The following DPP6 variants were observed in gnomAD, a reference collection of about 807,000 sequenced individuals.
DPP6 encodes the protein dipeptidyl peptidase like 6.
A neutral mutation model predicts 122.6 loss-of-function variants in DPP6; 69 were observed. The ratio of observed to expected loss-of-function variants is 0.56; its 90% CI spans 0.46 to 0.69. The LOEUF (loss-of-function observed/expected upper bound fraction) is 0.69, where lower values mean the gene tolerates loss of function less well. DPP6 is among the 30% of genes least tolerant of loss of function. DPP6 has a pLI of 0.00. For synonymous variants in DPP6, 418 were observed against 433.1 expected, an observed-to-expected ratio of 0.97 and a Z score of 0.43; for missense variants, 928 against 1,116.9, an observed-to-expected ratio of 0.83 and a Z score of 2.41.
intron 4 of DPP6, among the ~76,000 whole-genome samples, chr7:154,562,951 C>T (rs1040837146): frequency 6.6e-6 from 1 of 151,820 alleles, no homozygotes; most frequent in Admixed American, 6.6e-5. Context: ...AAACCATCTT[C>T]CTTTCAAGGT....
At chr7:154,123,075 A>G (rs1807615044) in intron 1 of DPP6, among the ~76,000 whole-genome samples, 1 of 152,160 alleles carries the variant, frequency 6.6e-6, no homozygotes, top group African/African-American at 2.4e-5. Context: ...GACTGGCAAG[A>G]CACATTGGGG....
intron 1 of DPP6, among the ~76,000 whole-genome samples, chr7:154,198,231 T>G (rs1798970116): frequency 6.6e-6 from 1 of 152,198 alleles, no homozygotes; most frequent in African/African-American, 2.4e-5. Flanking sequence ...TTAGTCACCC[T>G]TCGCCCATTC....
rs1802471311 is a variant in DPP6 at position 154,253,366 on chromosome 7, A to T, written c.244-192848A>T. ...TGATACAGGTGTGGGGGGTGAGGGG[A>T]CAGTCTTCCCTACCTGCAGGGGAAA... is the stretch of plus-strand genomic sequence containing the variant. On this transcript the variant is annotated intron_variant, in intron 1 of 25. Coordinates refer to ENST00000377770, the MANE Select transcript of DPP6 (RefSeq NM_130797.4). 2.0e-5 allele frequency among the ~76,000 whole-genome samples: 3 copies of T among 152,286 alleles called. No homozygotes were observed. The South Asian group carries it at 6.2e-4, about 32-fold the overall frequency.
chr7:154,572,688 T>G (rs904008109), intron 5 of DPP6, among the ~76,000 whole-genome samples: 5 of 149,930 alleles, frequency 3.3e-5, no homozygotes, highest in African/African-American at 9.8e-5. Context: ...GGCTAATTTT[T>G]TTTTTTTTTG....
At chr7:153,982,764 C>T (rs1796652640) in intron 1 of DPP6, among the ~76,000 whole-genome samples, 1 of 152,086 alleles carries the variant, frequency 6.6e-6, no homozygotes, top group South Asian at 2.1e-4. Context: ...GATGCTATTC[C>T]TTTCTGTTTG....
At chr7:153,773,030 T>C in the DPP6 span, among the ~76,000 whole-genome samples, 1 of 146,292 alleles carries the variant, frequency 6.8e-6, no homozygotes, top group Admixed American at 6.9e-5. Context: ...TAATAATATA[T>C]AAAAGTCTTT....
intron 1 of DPP6, among the ~76,000 whole-genome samples, chr7:153,953,505 A>T (rs749847382): frequency 2.2e-4 from 33 of 152,174 alleles, no homozygotes; most frequent in Non-Finnish European, 3.7e-4. Context: ...TCGGGGAAAG[A>T]TCATGCCCAG....
At chr7:154,474,635 T>A (rs1341219049) in intron 2 of DPP6, among the ~76,000 whole-genome samples, 2 of 152,242 alleles carry the variant, frequency 1.3e-5, no homozygotes, top group Non-Finnish European at 2.9e-5. Flanking sequence ...ATTCCCACCC[T>A]ATTGTTCATA....
chr7:154,712,272 T>TCA (rs1841235825), intron 7 of DPP6, among the ~76,000 whole-genome samples: 1 of 152,212 alleles, frequency 6.6e-6, no homozygotes, highest in South Asian at 2.1e-4. Context: ...TTTTGGACAA[T>TCA]GAAAACTGAT....
At chr7:153,864,522 G>C in the DPP6 span, among the ~76,000 whole-genome samples, 1 of 152,064 alleles carries the variant, frequency 6.6e-6, no homozygotes, top group Non-Finnish European at 1.5e-5. Flanking sequence ...TGGGCATGGT[G>C]GTGGGCGCCT....
chr7:154,566,335 G>A (rs1199621018), intron 4 of DPP6, among the ~76,000 whole-genome samples: 4 of 152,054 alleles, frequency 2.6e-5, no homozygotes, highest in Non-Finnish European at 5.9e-5. Flanking sequence ...AGGCTGGAGT[G>A]CAATGGCCCA....
intron 21 of DPP6, among the ~76,000 whole-genome samples, chr7:154,881,976 C>T (rs4960633): frequency 0.28 from 42,950 of 152,048 alleles, 6,298 homozygotes; most frequent in East Asian, 0.44. Flanking sequence ...CACCTCTCCC[C>T]ACCCTCATGG....
In DPP6 at chr7:154,557,196, A is replaced by G. The variant is rs1193357191; in HGVS notation, c.553-9646A>G. Among the ~76,000 whole-genome samples, 3 of 152,308 alleles carry G rather than the reference A, an allele frequency of 2.0e-5. No individual in the cohort carries two copies. The East Asian group carries it at 5.8e-4, about 29-fold the overall frequency. ...GATAAGTGGAGCCACCTAACCTGGC[A>G]TGGTCACAAGCAGCCAAGTCCAAAA... On this transcript the variant is annotated intron_variant, in intron 4 of 25. Transcript: ENST00000377770.
intron 1 of DPP6, among the ~76,000 whole-genome samples, chr7:154,394,632 G>A (rs1389661685): frequency 6.6e-6 from 1 of 152,010 alleles, no homozygotes; most frequent in Non-Finnish European, 1.5e-5. Context: ...CTATGCCTTT[G>A]GTGACAATAA....
At chr7:154,413,673 T>C (rs760776970) in intron 1 of DPP6, among the ~76,000 whole-genome samples, 3 of 152,226 alleles carry the variant, frequency 2.0e-5, no homozygotes, top group Non-Finnish European at 4.4e-5. Context: ...TTGTTTATCA[T>C]TGGACTTTTA....
chr7:154,053,139 A>AC, intron 1 of DPP6, 76 bp downstream of exon 1: 1 of 915,186 alleles, frequency 1.1e-6, no homozygotes, highest in Non-Finnish European at 1.3e-6. Context: ...TCGGCAGGGG[A>AC]AATTTTTTTT....
At chr7:154,328,608 C>G (rs951047194) in intron 1 of DPP6, among the ~76,000 whole-genome samples, 1 of 152,046 alleles carries the variant, frequency 6.6e-6, no homozygotes, top group African/African-American at 2.4e-5. Context: ...GGTTACTATC[C>G]AGGAACTATA....
upstream of DPP6, among the ~76,000 whole-genome samples, chr7:154,051,079 G>A (rs1262759398): frequency 1.6e-5 from 2 of 124,056 alleles, no homozygotes; most frequent in Admixed American, 8.0e-5. Flanking sequence ...CAGGGCTGGG[G>A]GCGAGCCTGC....
intron 7 of DPP6, among the ~76,000 whole-genome samples, chr7:154,670,383 C>G (rs1461625572): frequency 6.6e-6 from 1 of 152,234 alleles, no homozygotes; most frequent in Admixed American, 6.5e-5. Context: ...AGGGCTCCCA[C>G]CCTGGTTCTC....
Sources: allele counts gnomAD v4.1 joint callset (sites outside exome capture counted in the v4.1 genomes callset), GRCh38; gene constraint gnomAD v4.1.1; transcripts MANE v1.5; gene names NCBI Gene and HGNC (gene_info 2026-07-23, HGNC 2026-07-21).